ASIC2: variants seen among roughly 807,000 people sequenced by gnomAD.
ASIC2 encodes acid sensing ion channel subunit 2, also known as acid-sensing ion channel 2.
ASIC2 carries 25 observed loss-of-function variants against 57.3 expected under a neutral mutation model. That is an observed-to-expected ratio of 0.44 (90% CI 0.32 to 0.61). The LOEUF is 0.61. ASIC2 is among the 20% of genes least tolerant of loss of function. The pLI is 0.06. For missense variants in ASIC2, 641 were observed against 738.1 expected (o/e 0.87, Z 1.52); for synonymous variants, 319 against 307.5 (o/e 1.04, Z -0.39).
intron 1 of ASIC2, among the ~76,000 whole-genome samples, chr17:33,346,202 G>C (rs537970614): frequency 9.5e-5 from 12 of 126,010 alleles, no homozygotes; most frequent in African/African-American, 3.6e-4. Context: ...ACTCCAGCCT[G>C]GGTGACAGAG....
At chr17:33,407,648 G>A (rs571385640) in intron 1 of ASIC2, among the ~76,000 whole-genome samples, 6 of 152,342 alleles carry the variant, frequency 3.9e-5, no homozygotes, top group Non-Finnish European at 5.9e-5. Flanking sequence ...AATAAAGTTA[G>A]TAATGAAACA....
At chr17:33,102,469 C>T (rs1457433310) in intron 2 of ASIC2, among the ~76,000 whole-genome samples, 5 of 152,192 alleles carry the variant, frequency 3.3e-5, no homozygotes, top group African/African-American at 4.8e-5. Flanking sequence ...TTGTTTTTGA[C>T]GCTATTGCAG....
intron 1 of ASIC2, among the ~76,000 whole-genome samples, chr17:33,269,547 C>G (rs1421464727): frequency 6.6e-6 from 1 of 152,136 alleles, no homozygotes; most frequent in Non-Finnish European, 1.5e-5. Flanking sequence ...CCCCAGGAAG[C>G]CAGCTGTGTA....
chr17:34,048,670 A>G (rs1273564550), intron 1 of ASIC2, among the ~76,000 whole-genome samples: 1 of 152,222 alleles, frequency 6.6e-6, no homozygotes, highest in Non-Finnish European at 1.5e-5. Flanking sequence ...TTATCCATAA[A>G]TCTAGACCAT....
intron 1 of ASIC2, among the ~76,000 whole-genome samples, chr17:33,710,415 A>G (rs1306354738): frequency 6.6e-6 from 1 of 152,220 alleles, no homozygotes; most frequent in Non-Finnish European, 1.5e-5. Context: ...ATAATGGAGG[A>G]AACAGGTCCG....
intron 1 of ASIC2, among the ~76,000 whole-genome samples, chr17:33,744,793 C>T (rs543474429): frequency 2.0e-5 from 3 of 152,040 alleles, no homozygotes; most frequent in Non-Finnish European, 2.9e-5. Flanking sequence ...CAGAGGAAAG[C>T]GTGCTTAAAT....
At chr17:33,179,369 A>T (rs954225543) in intron 1 of ASIC2, among the ~76,000 whole-genome samples, 1 of 152,226 alleles carries the variant, frequency 6.6e-6, no homozygotes, top group African/African-American at 2.4e-5. Context: ...AAGCATGCAG[A>T]CACGTCTGGC....
chr17:33,580,647 C>T (rs902504261), intron 1 of ASIC2, among the ~76,000 whole-genome samples: 1 of 152,038 alleles, frequency 6.6e-6, no homozygotes, highest in Non-Finnish European at 1.5e-5. Flanking sequence ...ACTCAATGAC[C>T]CCAGCTCAGC....
intron 1 of ASIC2, among the ~76,000 whole-genome samples, chr17:33,864,385 CAT>C (rs1162668177): frequency 2.6e-5 from 4 of 152,122 alleles, no homozygotes; most frequent in South Asian, 4.1e-4. Context: ...AATTACCTAA[CAT>C]GTGGGAAATG....
intron 1 of ASIC2, among the ~76,000 whole-genome samples, chr17:33,712,825 T>C (rs1193057973): frequency 2.0e-5 from 3 of 151,242 alleles, no homozygotes; most frequent in Non-Finnish European, 4.4e-5. Context: ...TTTTGTATTT[T>C]TAGTAGAGAC....
chr17:33,267,992 T>C (rs1237593031), intron 1 of ASIC2, among the ~76,000 whole-genome samples: 3 of 152,192 alleles, frequency 2.0e-5, no homozygotes, highest in African/African-American at 7.2e-5. Context: ...TCACCGTGCA[T>C]GCGTAAAGGG....
intron 1 of ASIC2, among the ~76,000 whole-genome samples, chr17:33,436,074 G>A (rs1182794218): frequency 6.6e-6 from 1 of 152,250 alleles, no homozygotes; most frequent in Admixed American, 6.5e-5. Flanking sequence ...GAAAAACCTA[G>A]CATGGCTGAC....
chr17:33,484,029 G>A (rs944658075), intron 1 of ASIC2, among the ~76,000 whole-genome samples: 2 of 152,130 alleles, frequency 1.3e-5, no homozygotes, highest in African/African-American at 4.8e-5. Flanking sequence ...TGAGGGCAAC[G>A]GGGAGAAGCT....
At chr17:33,617,729 AAC>A (rs1905652745) in intron 1 of ASIC2, among the ~76,000 whole-genome samples, 1 of 152,208 alleles carries the variant, frequency 6.6e-6, no homozygotes, top group African/African-American at 2.4e-5. Flanking sequence ...ATTTTTAAAA[AAC>A]ACAAAATAGA....
intron 1 of ASIC2, among the ~76,000 whole-genome samples, chr17:34,145,882 C>T (rs796888629): frequency 3.9e-5 from 6 of 152,348 alleles, no homozygotes; most frequent in African/African-American, 1.4e-4. Context: ...GCATAGCCTC[C>T]TCTTCATGGC....
chr17:34,012,065 T>C (rs1906786731), intron 1 of ASIC2, among the ~76,000 whole-genome samples: 1 of 152,138 alleles, frequency 6.6e-6, no homozygotes, highest in African/African-American at 2.4e-5. Flanking sequence ...CTCCCCTTAT[T>C]TTGGTTATTT....
chr17:33,299,128 CA>C (rs761771936), intron 1 of ASIC2, among the ~76,000 whole-genome samples: 267 of 152,320 alleles, frequency 1.8e-3, no homozygotes, highest in Non-Finnish European at 3.0e-3. Flanking sequence ...GCCTGCATCC[CA>C]AGTCAATCCT....
intron 1 of ASIC2, among the ~76,000 whole-genome samples, chr17:33,967,801 C>G (rs761432753): frequency 2.9e-4 from 44 of 152,194 alleles, no homozygotes; most frequent in Non-Finnish European, 1.2e-4. Flanking sequence ...CCTCACCACA[C>G]CCCTGTGAGT....
chr17:33,728,445 C>T (rs1257527545), intron 1 of ASIC2, among the ~76,000 whole-genome samples: 2 of 152,188 alleles, frequency 1.3e-5, no homozygotes, highest in Non-Finnish European at 2.9e-5. Context: ...TAAAGCACAA[C>T]TTATGGGACC....
Sources: gnomAD v4.1 joint callset for allele counts (sites outside exome capture counted in the v4.1 genomes callset) on GRCh38, gnomAD v4.1.1 for gene constraint, MANE v1.5 for transcripts, NCBI Gene and HGNC (gene_info 2026-07-23, HGNC 2026-07-21) for gene names.